TEC: variants seen among roughly 807,000 people sequenced by gnomAD.
TEC encodes tyrosine-protein kinase Tec.
Under a neutral mutation model 93.0 loss-of-function variants are expected in TEC, and 72 were observed. The ratio of observed to expected loss-of-function variants is 0.77; its 90% confidence interval spans 0.64 to 0.94. The LOEUF (loss-of-function observed/expected upper bound fraction) is 0.94, where lower values mean the gene tolerates loss of function less well. Among genes scored for constraint, TEC ranks in the 40% least tolerant of loss-of-function variants. The pLI is 0.00. For synonymous variants in TEC, 249 were observed against 247.7 expected (o/e 1.01, Z -0.05); for missense variants, 630 against 757.9 (o/e 0.83, Z 1.98).
intron 2 of TEC, among the ~76,000 whole-genome samples, chr4:48,219,273 A>C (rs1366346531): frequency 6.6e-6 from 1 of 152,232 alleles, no homozygotes; most frequent in Non-Finnish European, 1.5e-5. Flanking sequence ...TCCTTGGTCA[A>C]GCGGTAACGC....
At chr4:48,164,609 C>T (rs1243704050) in intron 7 of TEC, among the ~76,000 whole-genome samples, 1 of 152,066 alleles carries the variant, frequency 6.6e-6, no homozygotes, top group African/African-American at 2.4e-5. Flanking sequence ...CTGAGAAAGG[C>T]CCAGAAGGAA....
rs1410542142 is a variant in TEC, at chr4:48,170,288, T to G, written c.414A>C (p.Lys138Asn). The G allele has an allele frequency of 1.9e-6, 3 of 1,593,330 alleles. No individual in the cohort carries two copies. The highest frequency in any genetic ancestry group is 2.6e-6 in the Non-Finnish European group (3 of 1,162,666). Residue 138 changes from lysine to asparagine, a missense_variant, in exon 5 of 18, where the codon AAA becomes AAC. Around this residue, in one of 3 missense-constraint regions of TEC, gnomAD observed 335 missense variants for 351.5 expected, o/e 0.95. Coordinates refer to ENST00000381501, the MANE Select transcript of TEC (RefSeq NM_003215.3). ...TGTATTTTTCACATCCGGGTGCTAA[T>G]TTTTCAGTTTGTCTACAACACTGAT... ...GSYQCCRQTE[K>N]LAPGCEKYNL...
At chr4:48,240,041 C>A (rs1347462720) in intron 1 of TEC, among the ~76,000 whole-genome samples, 1 of 151,160 alleles carries the variant, frequency 6.6e-6, no homozygotes, top group Non-Finnish European at 1.5e-5. Context: ...GAGTTCTTAT[C>A]TTTTAAAGAT....
intron 2 of TEC, among the ~76,000 whole-genome samples, chr4:48,183,291 G>A (rs1443813086): frequency 1.3e-5 from 2 of 152,180 alleles, no homozygotes; most frequent in Non-Finnish European, 2.9e-5. Flanking sequence ...ATGTTCATAG[G>A]TGCTTAACAG....
intron 8 of TEC, among the ~76,000 whole-genome samples, chr4:48,162,133 A>G (rs1720693606): frequency 1.3e-5 from 2 of 152,246 alleles, no homozygotes; most frequent in South Asian, 4.1e-4. Context: ...AAAACAAAAC[A>G]GAACATGGAG....
At chr4:48,247,829 G>A (rs1238203133) in intron 1 of TEC, among the ~76,000 whole-genome samples, 1 of 152,160 alleles carries the variant, frequency 6.6e-6, no homozygotes, top group Non-Finnish European at 1.5e-5. Flanking sequence ...AGACTACTCT[G>A]TAAAACGATT....
At chr4:48,239,326 T>C (rs1216512905) in intron 1 of TEC, among the ~76,000 whole-genome samples, 2 of 152,232 alleles carry the variant, frequency 1.3e-5, no homozygotes, top group African/African-American at 4.8e-5. Flanking sequence ...GGATAAAGTC[T>C]GAATCATTCC....
chr4:48,237,385 C>T (rs1401597869), intron 1 of TEC, among the ~76,000 whole-genome samples: 1 of 151,314 alleles, frequency 6.6e-6, no homozygotes, highest in African/African-American at 2.4e-5. Context: ...ACTAGAACAG[C>T]CTATCCTAGT....
At chr4:48,168,869 C>A (rs1374610336) in intron 5 of TEC, among the ~76,000 whole-genome samples, 1 of 152,156 alleles carries the variant, frequency 6.6e-6, no homozygotes, top group African/African-American at 2.4e-5. Flanking sequence ...TGAAGCCAGG[C>A]CAGTTCTTTG....
At position 48,138,798 on chromosome 4, in the gene TEC, G is replaced by A. The variant is rs185446950; in HGVS notation, c.1679C>T (p.Thr560Met). The change falls in exon 17 of 18, where the codon ACG becomes ATG. Residue 560 changes from threonine to methionine, a missense_variant. Thr to Met is a moderately conservative substitution (Grantham distance 81, BLOSUM62 -1). This residue lies in a region of TEC where 289 missense variants were observed against 390.0 expected (regional missense o/e 0.74). Coordinates refer to ENST00000381501, the MANE Select transcript of TEC (RefSeq NM_003215.3). The part of the protein sequence containing the change: ...SFGVLMWEVF[T>M]EGRMPFEKYT... ...TTTTTCAAAAGGCATTCTGCCTTCC[G>A]TGAATACTTCCCACATTAAAACACC... 13 of 1,613,756 alleles carry A rather than the reference G, an allele frequency of 8.1e-6. No individual in the cohort carries two copies. The highest frequency in any genetic ancestry group is 4.5e-5 in the East Asian group (2 of 44,886).
chr4:48,268,266 G>A (rs1217963743), intron 1 of TEC, among the ~76,000 whole-genome samples: 1 of 152,190 alleles, frequency 6.6e-6, no homozygotes, highest in Non-Finnish European at 1.5e-5. Flanking sequence ...GACCTATGTG[G>A]GGCAAAGGTA....
chr4:48,143,761 A>C (rs1182202378), intron 14 of TEC, among the ~76,000 whole-genome samples: 1 of 152,208 alleles, frequency 6.6e-6, no homozygotes, highest in Non-Finnish European at 1.5e-5. Flanking sequence ...TCCTGGCTCT[A>C]CAATTTACTT....
At chr4:48,224,895 T>C (rs540157272) in intron 2 of TEC, among the ~76,000 whole-genome samples, 18 of 152,298 alleles carry the variant, frequency 1.2e-4, no homozygotes, top group African/African-American at 4.1e-4. Context: ...TGTCTAACAT[T>C]ATGAACTGAG....
At chr4:48,222,283 GA>G (rs1473604498) in intron 2 of TEC, among the ~76,000 whole-genome samples, 1 of 152,086 alleles carries the variant, frequency 6.6e-6, no homozygotes, top group Non-Finnish European at 1.5e-5. Context: ...AAGAGGAGAA[GA>G]AGAAAAAATT....
intron 2 of TEC, among the ~76,000 whole-genome samples, chr4:48,206,435 AT>A (rs946759605): frequency 1.1e-4 from 16 of 152,298 alleles, no homozygotes; most frequent in African/African-American, 3.4e-4. Context: ...GAATATATAT[AT>A]TTTTTATACC....
chr4:48,267,657 C>T (rs1160734208), intron 1 of TEC, among the ~76,000 whole-genome samples: 2 of 152,196 alleles, frequency 1.3e-5, no homozygotes, highest in Non-Finnish European at 2.9e-5. Flanking sequence ...TCCACTTTGC[C>T]TGCTGTAGAC....
intron 2 of TEC, among the ~76,000 whole-genome samples, chr4:48,194,135 G>A (rs1011466113): frequency 1.1e-4 from 17 of 152,140 alleles, no homozygotes; most frequent in African/African-American, 3.1e-4. Flanking sequence ...GAAACCCTGT[G>A]GCAATTCTCC....
At chr4:48,177,149 C>A (rs1322157665) in intron 2 of TEC, among the ~76,000 whole-genome samples, 1 of 152,182 alleles carries the variant, frequency 6.6e-6, no homozygotes, top group South Asian at 2.1e-4. Flanking sequence ...TTATCCCACA[C>A]TTGGGAATTT....
chr4:48,242,964 A>G (rs1431187995), intron 1 of TEC, among the ~76,000 whole-genome samples: 1 of 152,192 alleles, frequency 6.6e-6, no homozygotes, highest in African/African-American at 2.4e-5. Flanking sequence ...GATGAGCTCT[A>G]ATGTTGTCTT....
Sources: gnomAD v4.1 joint callset for allele counts (sites outside exome capture counted in the v4.1 genomes callset) on GRCh38, gnomAD v4.1.1 for gene constraint, gnomAD v4.1.1 regional missense constraint, MANE v1.5 for transcripts, NCBI Gene and HGNC (gene_info 2026-07-23, HGNC 2026-07-21) for gene names.